The following POLE2 variants were observed in gnomAD, a reference collection of about 807,000 sequenced individuals.
The protein encoded by POLE2 is DNA polymerase epsilon 2, accessory subunit, also known as DNA polymerase epsilon subunit 2.
A neutral mutation model predicts 79.4 loss-of-function variants in POLE2; 56 were observed. The observed-to-expected ratio is 0.71, with a 90% confidence interval of 0.57 to 0.88. POLE2 has a LOEUF of 0.88. Among genes scored for constraint, POLE2 ranks in the 40% least tolerant of loss-of-function variants. The pLI is 0.00. For missense variants in POLE2, 598 were observed against 638.9 expected (o/e 0.94, Z 0.69); for synonymous variants, 212 against 214.0 (o/e 0.99, Z 0.08).
chr14:49,684,654 C>A (rs1004762397), intron 1 of POLE2: 1 of 140,456 alleles, frequency 7.1e-6, no homozygotes, highest in African/African-American at 2.7e-5. Context: ...TGGAGTCTGA[C>A]CATCATTAAA....
intron 10 of POLE2, among the ~76,000 whole-genome samples, chr14:49,657,738 C>A (rs1884799597): frequency 6.6e-6 from 1 of 152,104 alleles, no homozygotes; most frequent in Admixed American, 6.6e-5. Context: ...CCACGCCCAG[C>A]CAGTTGATTC....
At chr14:49,657,861 G>A (rs2139632311) in intron 10 of POLE2, among the ~76,000 whole-genome samples, 1 of 152,244 alleles carries the variant, frequency 6.6e-6, no homozygotes, top group South Asian at 2.1e-4. Context: ...ATTGATTATA[G>A]TCTTAAGTCC....
chr14:49,657,463 C>T (rs1462498791), intron 10 of POLE2, among the ~76,000 whole-genome samples: 3 of 149,018 alleles, frequency 2.0e-5, no homozygotes, highest in African/African-American at 7.4e-5. Flanking sequence ...GACGGAGTCT[C>T]ATGCTGTCTC....
chr14:49,661,486 A>C (rs1475512196), intron 10 of POLE2, among the ~76,000 whole-genome samples: 1 of 152,218 alleles, frequency 6.6e-6, no homozygotes, highest in East Asian at 1.9e-4. Context: ...AGCATCACAG[A>C]AACACCTATT....
intron 6 of POLE2, among the ~76,000 whole-genome samples, chr14:49,668,398 A>G (rs986334360): frequency 6.6e-6 from 1 of 151,558 alleles, no homozygotes; most frequent in Non-Finnish European, 1.5e-5. Flanking sequence ...GGATCACTTG[A>G]GGCCAGGAGT....
chr14:49,654,087 G>A lies in POLE2; in HGVS notation c.1134-20C>T, dbSNP rs765657213. The A allele has an allele frequency of 6.2e-5, 98 of 1,582,278 alleles. No individual in the cohort carries two copies. The highest frequency in any genetic ancestry group is 2.5e-4 in the South Asian group (22 of 89,788). ...GGTGGCCTATAAAAACAATTTATGTGATATAGTTTATCTTTTTAAGTTTTA... is the reference window on the plus strand; with the variant it reads ...GGTGGCCTATAAAAACAATTTATGTAATATAGTTTATCTTTTTAAGTTTTA... On this transcript the variant is annotated intron_variant, in intron 14 of 18. Coordinates refer to ENST00000216367, the MANE Select transcript of POLE2 (RefSeq NM_002692.4).
At chr14:49,657,201 G>A (rs1018432883) in intron 10 of POLE2, among the ~76,000 whole-genome samples, 1 of 151,840 alleles carries the variant, frequency 6.6e-6, no homozygotes, top group African/African-American at 2.4e-5. Flanking sequence ...TACAGTATGT[G>A]CTCAAAACAT....
chr14:49,665,501 C>T (rs181233927), intron 7 of POLE2, among the ~76,000 whole-genome samples: 34 of 152,290 alleles, frequency 2.2e-4, no homozygotes, highest in African/African-American at 7.7e-4. Context: ...TACTCTGCAG[C>T]TTGCTTGTTC....
Position 49,655,055 on chromosome 14 carries a change from CCA to C in POLE2, c.966_967del (p.Cys322TrpfsTer2), listed in dbSNP as rs1307286603. On this transcript the variant is annotated frameshift_variant, in exon 12 of 19. Coordinates refer to ENST00000216367, the MANE Select transcript of POLE2 (RefSeq NM_002692.4). LOFTEE classifies it high-confidence loss of function. ...TCCATATGGTGCAGATGAAAAATTA[CCA>C]CACAGAATAAAGCAGGTTGGAGGTG... The C allele has an allele frequency of 1.3e-6, 2 of 1,576,504 alleles. No homozygotes were observed. The highest frequency in any genetic ancestry group is 1.2e-5 in the South Asian group (1 of 84,718).
At chr14:49,646,302 GTTTTTTTT>G (rs1162033821) in intron 18 of POLE2, among the ~76,000 whole-genome samples, 941 of 84,290 alleles carry the variant, frequency 0.011, 1 homozygote, top group African/African-American at 0.016. Flanking sequence ...TTTTTTGTTG[GTTTTTTTT>G]TTTTTTTTTT....
At chr14:49,657,666 C>G (rs1884793398) in intron 10 of POLE2, among the ~76,000 whole-genome samples, 1 of 152,136 alleles carries the variant, frequency 6.6e-6, no homozygotes, top group African/African-American at 2.4e-5. Context: ...TCTTGAACTC[C>G]TGACCTCAAA....
intron 7 of POLE2, among the ~76,000 whole-genome samples, chr14:49,665,537 C>G (rs1394157348): frequency 6.6e-6 from 1 of 152,168 alleles, no homozygotes; most frequent in Non-Finnish European, 1.5e-5. Flanking sequence ...TCCGTTTATC[C>G]AGAGGTCACT....
At chr14:49,677,286 G>A (rs1362287127) in intron 3 of POLE2, 1 of 591,570 alleles carries the variant, frequency 1.7e-6, no homozygotes, top group Non-Finnish European at 3.1e-6. Flanking sequence ...CGTTCTTTAA[G>A]AGAGATATAC....
intron 6 of POLE2, among the ~76,000 whole-genome samples, chr14:49,668,174 G>C (rs1342717537): frequency 6.6e-6 from 1 of 152,132 alleles, no homozygotes; most frequent in Non-Finnish European, 1.5e-5. Flanking sequence ...TCAAGAGGCT[G>C]AGGCAGAATT....
chr14:49,671,242 G>T (rs1421757822), intron 5 of POLE2, among the ~76,000 whole-genome samples: 5 of 152,160 alleles, frequency 3.3e-5, no homozygotes, highest in Non-Finnish European at 7.3e-5. Context: ...TGGCACAGGA[G>T]ATAAACAACG....
At chr14:49,662,018 T>C (rs941914935) in intron 10 of POLE2, among the ~76,000 whole-genome samples, 1 of 152,176 alleles carries the variant, frequency 6.6e-6, no homozygotes, top group Non-Finnish European at 1.5e-5. Context: ...TTGAAGCTTG[T>C]ACAAAACAAA....
chr14:49,671,831 ATAATCCCAGCTACTTGGGAGTC>A (rs1362995980), intron 5 of POLE2, among the ~76,000 whole-genome samples: 3 of 151,890 alleles, frequency 2.0e-5, no homozygotes, highest in Non-Finnish European at 4.4e-5. Context: ...GTATGTGCCT[ATAATCCCAGCTACTTGGGAGTC>A]TGAGGAAGAA....
intron 3 of POLE2, 194 bp downstream of exon 3, chr14:49,679,531 C>T (rs1886545802): frequency 2.0e-6 from 1 of 507,796 alleles, no homozygotes; most frequent in Admixed American, 3.7e-5. Context: ...CCTCAAATCC[C>T]AGGAAAAACC....
In POLE2 at chr14:49,663,461, G is replaced by A. The variant is rs964664791; in HGVS notation, c.683-74C>T. On this transcript the variant is annotated intron_variant, in intron 9 of 18. Transcript: ENST00000216367. Reference sequence around the variant, plus strand: ...AAGGACAAAATTATGTTACAACAAAGCAATAATGCCAGGCTAGTCTCATGC... The same window carrying A: ...AAGGACAAAATTATGTTACAACAAAACAATAATGCCAGGCTAGTCTCATGC... 7.0e-6 allele frequency: 7 copies of A among 1,001,302 alleles called. No individual in the cohort carries two copies. The African/African-American group carries it at 9.6e-5, about 14-fold the overall frequency. 62.0% of individuals were successfully genotyped at this position (1,001,302 alleles called of 1,614,324 possible).
Sources: allele counts gnomAD v4.1 joint callset (sites outside exome capture counted in the v4.1 genomes callset), GRCh38; gene constraint gnomAD v4.1.1; transcripts MANE v1.5; gene names NCBI Gene and HGNC (gene_info 2026-07-23, HGNC 2026-07-21).